Variants in CADPS observed in about 807,000 individuals in gnomAD.
The protein encoded by CADPS is calcium-dependent secretion activator 1.
Under a neutral mutation model 167.3 loss-of-function variants are expected in CADPS, and 57 were observed. The observed-to-expected ratio is 0.34, with a 90% CI of 0.28 to 0.42. CADPS has a LOEUF of 0.42. Ranked by LOEUF, CADPS falls within the 20% of genes least tolerant of loss-of-function variation. The pLI is 1.00. For missense variants in CADPS, 1,414 were observed against 1,738.1 expected (o/e 0.81, Z 3.32); for synonymous variants, 676 against 635.3 (o/e 1.06, Z -0.96).
intron 26 of CADPS, among the ~76,000 whole-genome samples, chr3:62,449,469 G>A (rs563984376): frequency 9.9e-5 from 15 of 152,254 alleles, no homozygotes; most frequent in African/African-American, 3.6e-4. Flanking sequence ...TGTCAGCAGT[G>A]CTCCCTTTTT....
intron 1 of CADPS, among the ~76,000 whole-genome samples, chr3:62,786,177 C>T (rs2092410685): frequency 6.6e-6 from 1 of 152,032 alleles, no homozygotes; most frequent in African/African-American, 2.4e-5. Flanking sequence ...TGTGCCACTG[C>T]ATTCCAGCCT....
At chr3:62,434,293 G>A (rs1053868841) in intron 28 of CADPS, among the ~76,000 whole-genome samples, 2 of 152,134 alleles carry the variant, frequency 1.3e-5, no homozygotes, top group African/African-American at 4.8e-5. Flanking sequence ...GATAAAAAAT[G>A]TCCAGCTGCA....
chr3:62,479,465 G>C (rs554222349), intron 22 of CADPS, among the ~76,000 whole-genome samples: 1 of 152,374 alleles, frequency 6.6e-6, no homozygotes, highest in African/African-American at 2.4e-5. Flanking sequence ...TATAGAAACA[G>C]ATGAGAGTGG....
At chr3:62,554,701 T>C (rs569276656) in intron 10 of CADPS, among the ~76,000 whole-genome samples, 2 of 152,274 alleles carry the variant, frequency 1.3e-5, no homozygotes, top group East Asian at 1.9e-4. Flanking sequence ...TCTCCCTACT[T>C]CTGGTTCACA....
chr3:62,855,736 T>C (rs1008414353), intron 1 of CADPS, among the ~76,000 whole-genome samples: 1 of 152,196 alleles, frequency 6.6e-6, no homozygotes, highest in African/African-American at 2.4e-5. Context: ...ACTTTGCCTT[T>C]ATGCATGGGT....
chr3:62,485,244 T>A (rs537768254), intron 21 of CADPS, among the ~76,000 whole-genome samples: 215 of 151,864 alleles, frequency 1.4e-3, no homozygotes, highest in Non-Finnish European at 2.6e-3. Context: ...AAAAAAAAAA[T>A]TCCAAACTTT....
chr3:62,667,780 G>A (rs1287627763), intron 3 of CADPS, among the ~76,000 whole-genome samples: 1 of 151,810 alleles, frequency 6.6e-6, no homozygotes, highest in Admixed American at 6.6e-5. Context: ...TCTCACGTCT[G>A]CAGACAGAAT....
chr3:62,489,445 C>A (rs1015766489), intron 21 of CADPS, among the ~76,000 whole-genome samples: 2 of 152,242 alleles, frequency 1.3e-5, no homozygotes, highest in African/African-American at 4.8e-5. Context: ...CTGGCGTGAG[C>A]CGCCGCACCC....
intron 3 of CADPS, among the ~76,000 whole-genome samples, chr3:62,687,473 C>T (rs1029529100): frequency 6.6e-6 from 1 of 152,044 alleles, no homozygotes; most frequent in East Asian, 1.9e-4. Flanking sequence ...AAGCACTTAA[C>T]TGCTGCCAAT....
intron 1 of CADPS, among the ~76,000 whole-genome samples, chr3:62,774,288 A>T (rs1055242655): frequency 2.0e-5 from 3 of 151,194 alleles, no homozygotes; most frequent in Non-Finnish European, 4.4e-5. Context: ...CGATAACATT[A>T]AAAAAAAAGA....
At chr3:62,450,935 C>A (rs2057950126) in intron 26 of CADPS, among the ~76,000 whole-genome samples, 1 of 152,164 alleles carries the variant, frequency 6.6e-6, no homozygotes, top group Non-Finnish European at 1.5e-5. Context: ...TAAGTTACAG[C>A]TTTGGACCTC....
intron 6 of CADPS, among the ~76,000 whole-genome samples, chr3:62,644,213 G>A (rs2068037474): frequency 6.6e-6 from 1 of 152,174 alleles, no homozygotes; most frequent in Admixed American, 6.5e-5. Flanking sequence ...AATGCTCTGG[G>A]GGAGGAGAGG....
chr3:62,732,799 G>A (rs899230516), intron 3 of CADPS, among the ~76,000 whole-genome samples: 2 of 152,124 alleles, frequency 1.3e-5, no homozygotes, highest in African/African-American at 4.8e-5. Context: ...GTCTTATGGT[G>A]GAAACAAATA....
rs549474402 is a variant in CADPS, at chr3:62,681,626, C to T, written c.889-19232G>A. Among the ~76,000 whole-genome samples, 7 of 151,984 alleles carry T rather than the reference C, an allele frequency of 4.6e-5. No homozygotes were observed. The East Asian group carries it at 1.4e-3, about 30-fold the overall frequency. ...GGCTTCTCTCCTGATCTTCATAGGC[C>T]CTGAAGAATGAAATAAATGGTGGGC... On this transcript the variant is annotated intron_variant, in intron 3 of 29. Transcript: ENST00000383710.
At chr3:62,572,834 T>C (rs2081536174) in intron 8 of CADPS, among the ~76,000 whole-genome samples, 1 of 152,300 alleles carries the variant, frequency 6.6e-6, no homozygotes, top group East Asian at 1.9e-4. Context: ...CACCCTTACA[T>C]AAAGTGGTGT....
Position 62,649,541 on chromosome 3 carries a change from G to GTTTTTTT in CADPS, c.1203+1305_1203+1306insAAAAAAA, listed in dbSNP as rs1212818484. ...TATCAAGGGAATCATACAATATGTG[G>GTTTTTTT]TCTTTTTTTTTTTTTTTTTTTTTTT... On this transcript the variant is annotated intron_variant, in intron 5 of 29. Transcript: ENST00000383710. Among the ~76,000 whole-genome samples, 11 of 74,996 alleles carry GTTTTTTT rather than the reference G, an allele frequency of 1.5e-4. 1 individual carries two copies. Among genetic ancestry groups the GTTTTTTT allele is most frequent in the Middle Eastern group, 0.014 (1 of 74 alleles). 49.2% of individuals were successfully genotyped at this position (74,996 alleles called of 152,430 possible).
intron 1 of CADPS, among the ~76,000 whole-genome samples, chr3:62,784,814 G>C (rs1382261315): frequency 1.3e-5 from 2 of 151,626 alleles, no homozygotes; most frequent in African/African-American, 4.8e-5. Context: ...ATACACAAGG[G>C]CCATATCAAT....
At chr3:62,556,638 C>A (rs2078193477) in intron 10 of CADPS, among the ~76,000 whole-genome samples, 1 of 152,158 alleles carries the variant, frequency 6.6e-6, no homozygotes. Flanking sequence ...TTCGCACCCC[C>A]CTCCCATTTT....
rs1244342385 is a variant in CADPS, at chr3:62,567,253, T to C, written c.1644+3619A>G. 2.6e-5 allele frequency among the ~76,000 whole-genome samples: 4 copies of C among 152,280 alleles called. No individual in the cohort carries two copies. The East Asian group carries it at 7.7e-4, about 29-fold the overall frequency. On this transcript the variant is annotated intron_variant, in intron 9 of 29. Transcript: ENST00000383710. ...TCAAAAGTTCTCAGAAATCTGAGAATGGTTGTCACCAGCCACTTCTCGGAG... is the reference window on the plus strand; with the variant it reads ...TCAAAAGTTCTCAGAAATCTGAGAACGGTTGTCACCAGCCACTTCTCGGAG...
Sources: allele counts gnomAD v4.1 joint callset (sites outside exome capture counted in the v4.1 genomes callset), GRCh38; gene constraint gnomAD v4.1.1; transcripts MANE v1.5; gene names NCBI Gene and HGNC (gene_info 2026-07-23, HGNC 2026-07-21).